DOK6: variants seen among roughly 807,000 people sequenced by gnomAD.
DOK6 encodes the protein docking protein 6.
Under a neutral mutation model 44.0 loss-of-function variants are expected in DOK6, and 22 were observed. The observed-to-expected ratio is 0.50, with a 90% CI of 0.36 to 0.71. The LOEUF (loss-of-function observed/expected upper bound fraction) is 0.71, where lower values mean the gene tolerates loss of function less well. Among genes scored for constraint, DOK6 ranks in the 30% least tolerant of loss-of-function variants. The pLI, the probability that DOK6 is intolerant of heterozygous loss-of-function variation, is 0.00. For missense variants in DOK6, 340 were observed against 416.4 expected, an observed-to-expected ratio of 0.82 and a Z score of 1.60; for synonymous variants, 166 against 145.5, an observed-to-expected ratio of 1.14 and a Z score of -1.01.
At chr18:69,841,114 T>C in intron 7 of DOK6, 130 bp from the exon 8 acceptor site, 1 of 1,148,628 alleles carries the variant, frequency 8.7e-7, no homozygotes, top group African/African-American at 1.6e-5. Context: ...ATATTGAGGA[T>C]GTGAAAGCTG....
chr18:69,692,123 C>T (rs963885604), intron 4 of DOK6, among the ~76,000 whole-genome samples: 2 of 152,088 alleles, frequency 1.3e-5, no homozygotes, highest in African/African-American at 2.4e-5. Context: ...CGTGGAAAGA[C>T]GGTGATGGAA....
intron 1 of DOK6, among the ~76,000 whole-genome samples, chr18:69,505,944 A>G (rs1046741495): frequency 4.6e-5 from 7 of 152,094 alleles, no homozygotes; most frequent in Non-Finnish European, 7.4e-5. Flanking sequence ...ACACTTACCC[A>G]TATGCTTTTT....
At chr18:69,725,992 C>T (rs1978305017) in intron 5 of DOK6, among the ~76,000 whole-genome samples, 1 of 152,102 alleles carries the variant, frequency 6.6e-6, no homozygotes, top group Non-Finnish European at 1.5e-5. Context: ...ACTCCTGTGT[C>T]TTGTAGATGA....
intron 1 of DOK6, among the ~76,000 whole-genome samples, chr18:69,406,382 C>T (rs1916206789): frequency 6.6e-6 from 1 of 152,026 alleles, no homozygotes; most frequent in African/African-American, 2.4e-5. Flanking sequence ...AAAATTAAGC[C>T]AAAGACAATG....
chr18:69,446,302 C>T (rs1366153622), intron 1 of DOK6, among the ~76,000 whole-genome samples: 36 of 149,566 alleles, frequency 2.4e-4, no homozygotes, highest in African/African-American at 4.9e-4. Context: ...TGAGAACACG[C>T]GGTGTTTGGT....
At chr18:69,574,104 G>A (rs1226844810) in intron 2 of DOK6, among the ~76,000 whole-genome samples, 2 of 151,932 alleles carry the variant, frequency 1.3e-5, no homozygotes, top group East Asian at 1.9e-4. Flanking sequence ...TATGATGAAT[G>A]CAGTATGATT....
chr18:69,752,721 A>C (rs1979223286), intron 6 of DOK6, among the ~76,000 whole-genome samples: 1 of 152,208 alleles, frequency 6.6e-6, no homozygotes, highest in African/African-American at 2.4e-5. Context: ...ATGTTGGCAG[A>C]AAACACAAAA....
chr18:69,437,878 G>A (rs1979026583), intron 1 of DOK6, among the ~76,000 whole-genome samples: 1 of 152,148 alleles, frequency 6.6e-6, no homozygotes, highest in Admixed American at 6.6e-5. Flanking sequence ...GTTTTCTGGT[G>A]CATATAAAAG....
chr18:69,672,714 G>C (rs1401086092), intron 3 of DOK6, among the ~76,000 whole-genome samples: 1 of 149,590 alleles, frequency 6.7e-6, no homozygotes, highest in Non-Finnish European at 1.5e-5. Flanking sequence ...AAAAGGGGGG[G>C]GTGGGGGCGG....
rs111625260 is a variant in DOK6, at chr18:69,722,866, G to T, written c.600-16099G>T. Reference sequence around the variant, plus strand: ...ATTCCTTTAGCTACTAGTAAGACTGGTTTAAAATGAACCCTGCAATAACTC... The same window carrying T: ...ATTCCTTTAGCTACTAGTAAGACTGTTTTAAAATGAACCCTGCAATAACTC... On this transcript the variant is annotated intron_variant, in intron 5 of 7. Coordinates refer to ENST00000382713, the MANE Select transcript of DOK6 (RefSeq NM_152721.6). Among the ~76,000 whole-genome samples, 734 of 152,154 alleles carry T rather than the reference G, an allele frequency of 4.8e-3. 4 individuals are homozygous for T. Among genetic ancestry groups the T allele is most frequent in the African/African-American group, 0.016 (674 of 41,522 alleles).
intron 1 of DOK6, among the ~76,000 whole-genome samples, chr18:69,440,551 G>T (rs1175744120): frequency 1.3e-5 from 2 of 152,138 alleles, no homozygotes; most frequent in African/African-American, 4.8e-5. Flanking sequence ...ATTTGGGAAT[G>T]TCGGCCTTCT....
At chr18:69,806,727 A>ACT (rs1443912235) in intron 7 of DOK6, among the ~76,000 whole-genome samples, 2 of 151,960 alleles carry the variant, frequency 1.3e-5, no homozygotes, top group Non-Finnish European at 2.9e-5. Context: ...GTAATCAGAG[A>ACT]CTCACACCAC....
intron 4 of DOK6, among the ~76,000 whole-genome samples, chr18:69,696,201 T>C (rs1467560144): frequency 6.6e-6 from 1 of 152,206 alleles, no homozygotes; most frequent in Non-Finnish European, 1.5e-5. Flanking sequence ...TCCTTGCTTA[T>C]TTTTCCTAAG....
intron 1 of DOK6, among the ~76,000 whole-genome samples, chr18:69,518,709 CAGAA>C (rs1345427288): frequency 6.6e-6 from 1 of 151,878 alleles, no homozygotes; most frequent in Non-Finnish European, 1.5e-5. Flanking sequence ...AAAACAAAAA[CAGAA>C]AGAAAAATCT....
At chr18:69,668,846 C>T (rs1182443363) in intron 3 of DOK6, among the ~76,000 whole-genome samples, 4 of 152,164 alleles carry the variant, frequency 2.6e-5, no homozygotes, top group South Asian at 2.1e-4. Flanking sequence ...AACACAGCAT[C>T]TGACTACTCA....
intron 1 of DOK6, among the ~76,000 whole-genome samples, chr18:69,541,850 G>C (rs1267813347): frequency 2.0e-5 from 3 of 151,496 alleles, no homozygotes; most frequent in Non-Finnish European, 4.4e-5. Flanking sequence ...TGTATTGATA[G>C]GAAAAAGTAA....
intron 3 of DOK6, among the ~76,000 whole-genome samples, chr18:69,634,125 A>AT (rs996954893): frequency 4.9e-4 from 74 of 152,272 alleles, no homozygotes; most frequent in African/African-American, 1.8e-3. Flanking sequence ...TAGTCCAAAC[A>AT]TAAAATCTCT....
At chr18:69,512,541 G>T (rs895678288) in intron 1 of DOK6, among the ~76,000 whole-genome samples, 1 of 151,772 alleles carries the variant, frequency 6.6e-6, no homozygotes, top group African/African-American at 2.4e-5. Context: ...ACAGAGTTTT[G>T]CCATGTTGGC....
chr18:69,577,034 T>C (rs1012807139), intron 2 of DOK6, among the ~76,000 whole-genome samples: 1 of 152,168 alleles, frequency 6.6e-6, no homozygotes, highest in East Asian at 1.9e-4. Context: ...CCAATCTCAC[T>C]TCTAAATTCC....
Sources: gnomAD v4.1 joint callset for allele counts (sites outside exome capture counted in the v4.1 genomes callset) on GRCh38, gnomAD v4.1.1 for gene constraint, MANE v1.5 for transcripts, NCBI Gene and HGNC (gene_info 2026-07-23, HGNC 2026-07-21) for gene names.